GLIS3: variants seen among roughly 807,000 people sequenced by gnomAD.
The protein encoded by GLIS3 is GLIS family zinc finger 3, also known as zinc finger protein GLIS3.
A neutral mutation model predicts 78.6 loss-of-function variants in GLIS3; 53 were observed. The observed-to-expected ratio is 0.67, with a 90% CI of 0.54 to 0.85. The LOEUF (loss-of-function observed/expected upper bound fraction) is 0.85, where lower values mean the gene tolerates loss of function less well. GLIS3 is among the 40% of genes least tolerant of loss of function. GLIS3 has a pLI of 0.00. For missense variants in GLIS3, 1,703 were observed against 1,231.1 expected (o/e 1.38, Z -5.74); for synonymous variants, 684 against 509.9 (o/e 1.34, Z -4.60).
chr9:4,166,364 GA>G (rs557271280), intron 2 of GLIS3, among the ~76,000 whole-genome samples: 93 of 152,322 alleles, frequency 6.1e-4, no homozygotes, highest in African/African-American at 2.1e-3. Context: ...CACTGGCCAA[GA>G]ACCAGTAAGG....
chr9:4,182,021 A>C (rs1370409611), intron 2 of GLIS3, among the ~76,000 whole-genome samples: 1 of 152,236 alleles, frequency 6.6e-6, no homozygotes, highest in Non-Finnish European at 1.5e-5. Flanking sequence ...ACAACTGATA[A>C]AGCAAGTATA....
At chr9:4,267,980 T>C (rs1286151318) in intron 2 of GLIS3, among the ~76,000 whole-genome samples, 1 of 151,948 alleles carries the variant, frequency 6.6e-6, no homozygotes, top group Non-Finnish European at 1.5e-5. Context: ...TGTGTGTATG[T>C]GCATGTGTAT....
intron 2 of GLIS3, among the ~76,000 whole-genome samples, chr9:4,192,312 A>C (rs949918374): frequency 2.0e-5 from 3 of 152,250 alleles, no homozygotes; most frequent in African/African-American, 7.2e-5. Context: ...TATTTTAATA[A>C]AATGAAAAGG....
chr9:3,881,860 AG>A (rs1217576684), intron 7 of GLIS3, among the ~76,000 whole-genome samples: 1 of 152,248 alleles, frequency 6.6e-6, no homozygotes, highest in Non-Finnish European at 1.5e-5. Flanking sequence ...ATCATTGGAC[AG>A]TGTTAAAAGC....
At chr9:3,963,197 C>A (rs950572795) in intron 4 of GLIS3, among the ~76,000 whole-genome samples, 1 of 152,144 alleles carries the variant, frequency 6.6e-6, no homozygotes, top group Non-Finnish European at 1.5e-5. Flanking sequence ...GATGAATAAA[C>A]CTCACTTAAA....
chr9:4,298,475 C>G (rs1816798662), intron 1 of GLIS3: 1 of 447,798 alleles, frequency 2.2e-6, no homozygotes, highest in South Asian at 1.6e-5. Flanking sequence ...GACTTGTCAG[C>G]TCCAGTGAGT....
At chr9:3,923,065 G>C (rs1353047778) in intron 6 of GLIS3, among the ~76,000 whole-genome samples, 1 of 152,168 alleles carries the variant, frequency 6.6e-6, no homozygotes, top group Non-Finnish European at 1.5e-5. Flanking sequence ...GAGAAACCTA[G>C]AACTGATGAT....
chr9:4,018,615 G>C (rs913031015), intron 4 of GLIS3, among the ~76,000 whole-genome samples: 1 of 152,186 alleles, frequency 6.6e-6, no homozygotes, highest in Non-Finnish European at 1.5e-5. Flanking sequence ...GGGTGACACA[G>C]AGTAGTTTCC....
intron 2 of GLIS3, among the ~76,000 whole-genome samples, chr9:4,334,078 G>C (rs1182274785): frequency 2.0e-5 from 3 of 152,172 alleles, no homozygotes; most frequent in Non-Finnish European, 2.9e-5. Flanking sequence ...CAGAGGGCTT[G>C]AATTTGAGTA....
intron 4 of GLIS3, among the ~76,000 whole-genome samples, chr9:4,064,595 G>C (rs1333807688): frequency 1.3e-5 from 2 of 152,258 alleles, no homozygotes; most frequent in East Asian, 1.9e-4. Flanking sequence ...TTTGAGACCA[G>C]ACTGGCCAAC....
chr9:4,081,194 CCAGA>C (rs1828528678), intron 4 of GLIS3: 1 of 152,216 alleles, frequency 6.6e-6, no homozygotes, highest in African/African-American at 2.4e-5. Flanking sequence ...AGCATGACTA[CCAGA>C]CAGAGCTGGT....
intron 2 of GLIS3, among the ~76,000 whole-genome samples, chr9:4,189,720 G>C (rs10114548): frequency 0.43 from 65,755 of 151,952 alleles, 14,480 homozygotes; most frequent in African/African-American, 0.49. Flanking sequence ...AGCTCTTCTT[G>C]TTGAATTGAT....
At chr9:4,268,251 A>G (rs1203264908) in intron 2 of GLIS3, among the ~76,000 whole-genome samples, 1 of 151,984 alleles carries the variant, frequency 6.6e-6, no homozygotes, top group Non-Finnish European at 1.5e-5. Context: ...CAACTAACAT[A>G]ATGGTACCCA....
At chr9:4,314,356 A>G (rs963901489) in intron 2 of GLIS3, among the ~76,000 whole-genome samples, 1 of 152,116 alleles carries the variant, frequency 6.6e-6, no homozygotes, top group African/African-American at 2.4e-5. Flanking sequence ...CTGCCACCCA[A>G]TGCTCTCTGT....
chr9:3,900,982 T>A (rs10974067), intron 6 of GLIS3: 2 of 152,152 alleles, frequency 1.3e-5, no homozygotes, highest in South Asian at 4.2e-4. Flanking sequence ...TTAACCGAAC[T>A]TGCAACATTC....
intron 2 of GLIS3, among the ~76,000 whole-genome samples, chr9:4,269,149 A>C (rs1320930752): frequency 6.6e-6 from 1 of 152,206 alleles, no homozygotes; most frequent in Non-Finnish European, 1.5e-5. Context: ...CCTTCATGTG[A>C]AACATGTTAA....
chr9:4,259,906 A>G (rs1825346214), intron 2 of GLIS3, among the ~76,000 whole-genome samples: 2 of 152,238 alleles, frequency 1.3e-5, no homozygotes, highest in African/African-American at 4.8e-5. Context: ...TCAGGATTTA[A>G]AGGACCTACT....
chr9:4,413,677 C>G, the GLIS3 span, among the ~76,000 whole-genome samples: 1 of 152,072 alleles, frequency 6.6e-6, no homozygotes, highest in East Asian at 1.9e-4. Context: ...CTGAACATTG[C>G]CACCCAGACG....
chr9:4,283,225 G>A (rs1030891163), intron 2 of GLIS3, among the ~76,000 whole-genome samples: 2 of 151,342 alleles, frequency 1.3e-5, no homozygotes, highest in African/African-American at 4.9e-5. Context: ...CATTCTGAGT[G>A]TATCCCTACC....
Sources: allele counts gnomAD v4.1 joint callset (sites outside exome capture counted in the v4.1 genomes callset), GRCh38; gene constraint gnomAD v4.1.1; transcripts MANE v1.5; gene names NCBI Gene and HGNC (gene_info 2026-07-23, HGNC 2026-07-21).